Variants in NLRC5 observed in about 807,000 individuals in gnomAD.
The protein encoded by NLRC5 is protein NLRC5.
NLRC5 carries 114 observed loss-of-function variants against 206.9 expected under a neutral mutation model. That is an observed-to-expected ratio of 0.55 (90% CI 0.47 to 0.64). The LOEUF is 0.64. Among genes scored for constraint, NLRC5 ranks in the 30% least tolerant of loss-of-function variants. The probability of loss-of-function intolerance (pLI) is 0.00; values close to 1 mark genes in which losing one functional copy is unlikely to be tolerated. For missense variants in NLRC5, 2,008 were observed against 2,305.5 expected (o/e 0.87, Z 2.64); for synonymous variants, 952 against 962.8 (o/e 0.99, Z 0.21).
intron 30 of NLRC5, among the ~76,000 whole-genome samples, chr16:57,060,937 GC>G (rs1233313084): frequency 3.7e-4 from 56 of 152,326 alleles, no homozygotes; most frequent in African/African-American, 1.3e-3. Flanking sequence ...GGACAGCAGA[GC>G]CCCACGGAGA....
intron 14 of NLRC5, 102 bp downstream of exon 14, chr16:57,036,285 C>G (rs1183386456): frequency 1.9e-6 from 2 of 1,055,880 alleles, no homozygotes; most frequent in East Asian, 5.2e-5. Context: ...TCCACTGCCA[C>G]CCCTGCTTCC....
intron 6 of NLRC5, among the ~76,000 whole-genome samples, chr16:57,027,401 A>G (rs1427707523): frequency 6.6e-6 from 1 of 152,262 alleles, no homozygotes; most frequent in Non-Finnish European, 1.5e-5. Context: ...TGCAAGAATG[A>G]GATGGGATGG....
chr16:57,037,739 C>A (rs1306826828), intron 15 of NLRC5, among the ~76,000 whole-genome samples: 1 of 152,212 alleles, frequency 6.6e-6, no homozygotes, highest in Admixed American at 6.5e-5. Context: ...CCCTACCCCA[C>A]TCACAGACCC....
intron 1 of NLRC5, among the ~76,000 whole-genome samples, chr16:57,006,766 G>A (rs775620633): frequency 6.6e-6 from 1 of 151,890 alleles, no homozygotes; most frequent in Non-Finnish European, 1.5e-5. Flanking sequence ...TGATTACATG[G>A]CATTTACCAC....
At position 57,037,264 on chromosome 16, in the gene NLRC5, C is replaced by T. The variant is rs968616552; in HGVS notation, c.2781C>T (p.Thr927=). ...CVLRAVSACW[T]LAELHISLQH... is the part of the protein sequence containing the mutation. ...TGAGGGCCGTGAGTGCGTGCTGGAC[C>T]CTGGCAGAGCTGCACATCAGGTGGG... is the stretch of plus-strand genomic sequence containing the variant. Residue 927 remains threonine (T), a synonymous_variant, in exon 15 of 49, where the codon ACC becomes ACT. Transcript: ENST00000688547. 11 of 1,613,340 alleles carry T rather than the reference C, an allele frequency of 6.8e-6. No individual in the cohort carries two copies. The highest frequency in any genetic ancestry group is 4.4e-5 in the South Asian group (4 of 91,090).
chr16:57,075,834 G>A (rs1016601363), intron 39 of NLRC5: 1 of 152,304 alleles, frequency 6.6e-6, no homozygotes, highest in African/African-American at 2.4e-5. Flanking sequence ...AGAGTTCCAG[G>A]AGGTTATATC....
At chr16:57,064,459 T>C (rs1231808050) in intron 32 of NLRC5, among the ~76,000 whole-genome samples, 6 of 152,224 alleles carry the variant, frequency 3.9e-5, no homozygotes, top group South Asian at 4.1e-4. Context: ...ACCATGAACA[T>C]TTAATATATT....
intron 20 of NLRC5, among the ~76,000 whole-genome samples, chr16:57,044,903 C>G (rs1390985890): frequency 6.6e-6 from 1 of 151,262 alleles, no homozygotes; most frequent in African/African-American, 2.4e-5. Flanking sequence ...GAGCAAGACT[C>G]TGTCTCAAAG....
chr16:57,059,774 C>A (rs1178807173), intron 30 of NLRC5, among the ~76,000 whole-genome samples: 1 of 152,312 alleles, frequency 6.6e-6, no homozygotes, highest in Non-Finnish European at 1.5e-5. Context: ...CTCAGCCCAA[C>A]ATTCTCTTCC....
intron 38 of NLRC5, among the ~76,000 whole-genome samples, chr16:57,070,863 AGAGTG>A (rs2067589660): frequency 5.7e-5 from 5 of 87,582 alleles, no homozygotes; most frequent in African/African-American, 3.1e-4. Context: ...GAAGGGTGTG[AGAGTG>A]GTGATGGTGG....
At chr16:57,066,696 C>G in intron 34 of NLRC5, 82 bp downstream of exon 34, 2 of 1,257,634 alleles carry the variant, frequency 1.6e-6, no homozygotes, top group Non-Finnish European at 2.3e-6. Flanking sequence ...TATTCACCAC[C>G]CTGCCCAGAG....
chr16:56,994,176 A>G (rs1173170975), intron 1 of NLRC5, among the ~76,000 whole-genome samples: 19 of 108,050 alleles, frequency 1.8e-4, no homozygotes, highest in Admixed American at 1.1e-4. Context: ...GAGGGGCTGT[A>G]TTTGCTCCTG....
At chr16:57,039,051 A>G (rs2062961068) in intron 15 of NLRC5, among the ~76,000 whole-genome samples, 1 of 152,172 alleles carries the variant, frequency 6.6e-6, no homozygotes, top group Non-Finnish European at 1.5e-5. Flanking sequence ...TAAAAAACTA[A>G]TGTTTAAAAA....
At chr16:57,063,163 A>G (rs1454033790) in intron 32 of NLRC5, among the ~76,000 whole-genome samples, 15 of 125,470 alleles carry the variant, frequency 1.2e-4, no homozygotes, top group Non-Finnish European at 2.2e-4. Context: ...CCTGGGCTGG[A>G]GTGCACTGGC....
At chr16:57,012,526 G>A (rs1253040630) in intron 1 of NLRC5, among the ~76,000 whole-genome samples, 3 of 152,190 alleles carry the variant, frequency 2.0e-5, no homozygotes, top group African/African-American at 7.2e-5. Context: ...GAGTATTACT[G>A]CCTGAGCTCT....
intron 1 of NLRC5, among the ~76,000 whole-genome samples, chr16:57,014,816 G>A (rs2059863209): frequency 6.6e-6 from 1 of 152,212 alleles, no homozygotes; most frequent in Non-Finnish European, 1.5e-5. Context: ...AGCAGGCCTG[G>A]TGTCTGGAGA....
At chr16:57,009,417 C>A (rs1379435506) in intron 1 of NLRC5, among the ~76,000 whole-genome samples, 7 of 151,988 alleles carry the variant, frequency 4.6e-5, no homozygotes, top group Admixed American at 3.9e-4. Flanking sequence ...CATGGTGAAA[C>A]CCCGTCTCTA....
At chr16:57,015,942 A>AAG (rs2060038602) in intron 1 of NLRC5, among the ~76,000 whole-genome samples, 1 of 145,094 alleles carries the variant, frequency 6.9e-6, no homozygotes, top group Non-Finnish European at 1.5e-5. Flanking sequence ...AAAAAAAAAA[A>AAG]AAAAAAGAAA....
chr16:57,020,262 T>C (rs533916973), intron 2 of NLRC5, among the ~76,000 whole-genome samples: 1 of 147,320 alleles, frequency 6.8e-6, no homozygotes, highest in South Asian at 2.2e-4. Flanking sequence ...CTCCATCTAA[T>C]CTTCCTCCCA....
Sources: gnomAD v4.1 joint callset for allele counts (sites outside exome capture counted in the v4.1 genomes callset) on GRCh38, gnomAD v4.1.1 for gene constraint, MANE v1.5 for transcripts, NCBI Gene and HGNC (gene_info 2026-07-23, HGNC 2026-07-21) for gene names.